Variants in EPB41 observed in about 807,000 individuals in gnomAD.
EPB41 encodes the protein protein 4.1.
A neutral mutation model predicts 108.0 loss-of-function variants in EPB41; 65 were observed. The observed-to-expected ratio is 0.60, with a 90% CI of 0.49 to 0.74. EPB41 has a LOEUF of 0.74. Ranked by LOEUF, EPB41 falls within the 30% of genes least tolerant of loss-of-function variation. EPB41 has a pLI of 0.00. For synonymous variants in EPB41, 336 were observed against 358.9 expected (o/e 0.94, Z 0.72); for missense variants, 875 against 1,037.0 (o/e 0.84, Z 2.15).
chr1:29,002,076 A>G (rs1557982583), intron 4 of EPB41, among the ~76,000 whole-genome samples: 1 of 152,216 alleles, frequency 6.6e-6, no homozygotes, highest in Non-Finnish European at 1.5e-5. Flanking sequence ...TAAAATGGGA[A>G]TGATAATGAG....
In EPB41 at chr1:29,018,786, C is replaced by T. The variant is rs1234533316; in HGVS notation, c.1124+344C>T. The stretch of plus-strand genomic sequence containing the variant: ...AAAGCTAATTATGCTGCATTAGGTA[C>T]CTTGAGATCCTTAGAGCAGGGGTTT... On this transcript the variant is annotated intron_variant, in intron 7 of 20. Transcript: ENST00000343067. This position sits in a 1 kb window ranked among gnomAD's most constrained non-coding sequence, Gnocchi z 4.4. Among the ~76,000 whole-genome samples, 1 of 152,038 alleles carries T rather than the reference C, an allele frequency of 6.6e-6. No homozygotes were observed. The highest frequency in any genetic ancestry group is 1.5e-5 in the Non-Finnish European group (1 of 68,018).
intron 1 of EPB41, among the ~76,000 whole-genome samples, chr1:28,946,384 G>A (rs2094491009): frequency 6.6e-6 from 1 of 152,128 alleles, no homozygotes; most frequent in South Asian, 2.1e-4. Context: ...TGGGATTACA[G>A]GCGTGAGCCA....
At chr1:28,894,744 A>G (rs533749860) in intron 1 of EPB41, among the ~76,000 whole-genome samples, 1 of 152,114 alleles carries the variant, frequency 6.6e-6, no homozygotes, top group Non-Finnish European at 1.5e-5. Context: ...TGTGATGTAC[A>G]TATCACAACA....
At chr1:29,093,791 G>T (rs1334448483) in intron 16 of EPB41, among the ~76,000 whole-genome samples, 1 of 152,174 alleles carries the variant, frequency 6.6e-6, no homozygotes. Flanking sequence ...TGTAGTCTCA[G>T]CTACTCTGGA....
At chr1:28,929,509 C>A (rs1236290122) in intron 1 of EPB41, among the ~76,000 whole-genome samples, 1 of 151,590 alleles carries the variant, frequency 6.6e-6, no homozygotes, top group Non-Finnish European at 1.5e-5. Context: ...GGATTACAGG[C>A]GTGAGCCACT....
intron 12 of EPB41, 21 bp downstream of exon 12, chr1:29,053,333 C>T (rs1558164440): frequency 6.2e-7 from 1 of 1,613,920 alleles, no homozygotes; most frequent in South Asian, 1.1e-5. Flanking sequence ...AGTCCAAATA[C>T]CTAGCTAACT....
At chr1:29,039,188 A>T in intron 10 of EPB41, 66 bp from the exon 11 acceptor site, 2 of 1,502,246 alleles carry the variant, frequency 1.3e-6, no homozygotes, top group Non-Finnish European at 1.8e-6. Context: ...TTTTGTTTTT[A>T]ATTTTACAGT....
intron 16 of EPB41, among the ~76,000 whole-genome samples, chr1:29,086,648 A>G (rs1659071745): frequency 6.6e-6 from 1 of 152,174 alleles, no homozygotes; most frequent in Admixed American, 6.5e-5. Context: ...AATGAAGCAT[A>G]ACTGATCAAG....
chr1:29,045,092 G>A (rs545682305), intron 11 of EPB41, among the ~76,000 whole-genome samples: 107 of 152,102 alleles, frequency 7.0e-4, no homozygotes, highest in Non-Finnish European at 1.4e-3. Flanking sequence ...AGCCCTTAGC[G>A]TTATCTTATA....
intron 6 of EPB41, among the ~76,000 whole-genome samples, chr1:29,017,485 T>C (rs2096592214): frequency 6.6e-6 from 1 of 152,182 alleles, no homozygotes. Context: ...GGCACTCATT[T>C]GGTTTGTTGG....
At chr1:28,986,189 A>C (rs538743399) in intron 1 of EPB41, among the ~76,000 whole-genome samples, 3 of 152,002 alleles carry the variant, frequency 2.0e-5, no homozygotes, top group Admixed American at 6.6e-5. Context: ...CATATTTTTT[A>C]ATTACTTTAT....
intron 10 of EPB41, among the ~76,000 whole-genome samples, chr1:29,038,973 T>C (rs575796918): frequency 6.6e-6 from 1 of 152,280 alleles, no homozygotes; most frequent in East Asian, 1.9e-4. Flanking sequence ...GAAAACATTA[T>C]AAGGATGTAG....
intron 1 of EPB41, among the ~76,000 whole-genome samples, chr1:28,964,627 A>T (rs779661528): frequency 0.11 from 16,169 of 149,626 alleles, 1,113 homozygotes; most frequent in African/African-American, 0.2. Context: ...ATAAATAAAT[A>T]AAATAAATAA....
chr1:28,993,927 G>T (rs2096091871), intron 3 of EPB41, among the ~76,000 whole-genome samples: 1 of 152,086 alleles, frequency 6.6e-6, no homozygotes, highest in Non-Finnish European at 1.5e-5. Context: ...AAATTGCTGG[G>T]ATTACAGGCA....
At position 28,919,860 on chromosome 1, in the gene EPB41, G is replaced by C. The variant is rs191604897; in HGVS notation, c.-8+5092G>C. On this transcript the variant is annotated intron_variant, in intron 1 of 20. Transcript: ENST00000343067. ...TATTTTATTATTGCAATTAAGAGCAGTTCTCTTTTTTGCAAGTTATCTCTT... is the reference window on the plus strand; with the variant it reads ...TATTTTATTATTGCAATTAAGAGCACTTCTCTTTTTTGCAAGTTATCTCTT... 1.7e-3 allele frequency among the ~76,000 whole-genome samples: 257 copies of C among 152,256 alleles called. 1 individual carries two copies. Among genetic ancestry groups the C allele is most frequent in the African/African-American group, 5.7e-3 (238 of 41,558 alleles).
At chr1:28,898,970 C>T (rs919934558) in intron 1 of EPB41, among the ~76,000 whole-genome samples, 2 of 152,018 alleles carry the variant, frequency 1.3e-5, no homozygotes, top group Non-Finnish European at 2.9e-5. Context: ...TCTGGAGGTC[C>T]AGTGGTCGGG....
At chr1:28,991,180 A>G (rs1391448275) in intron 2 of EPB41, among the ~76,000 whole-genome samples, 1 of 148,320 alleles carries the variant, frequency 6.7e-6, no homozygotes, top group East Asian at 1.9e-4. Flanking sequence ...TTTATATTAT[A>G]AATATATAAA....
At chr1:29,009,847 G>A (rs1281688482) in intron 4 of EPB41, among the ~76,000 whole-genome samples, 2 of 152,080 alleles carry the variant, frequency 1.3e-5, no homozygotes, top group African/African-American at 4.8e-5. Context: ...TGTGGTGGGA[G>A]TATAAAAGAA....
intron 17 of EPB41, among the ~76,000 whole-genome samples, chr1:29,103,886 C>T (rs115382099): frequency 0.025 from 3,814 of 152,250 alleles, 155 homozygotes; most frequent in African/African-American, 0.087. Context: ...AGGCTGGTTT[C>T]GAATGCCTGA....
Sources: allele counts gnomAD v4.1 joint callset (sites outside exome capture counted in the v4.1 genomes callset), GRCh38; gene constraint gnomAD v4.1.1; non-coding constraint Gnocchi (gnomAD v3.1); transcripts MANE v1.5; gene names NCBI Gene and HGNC (gene_info 2026-07-23, HGNC 2026-07-21).